RAP1GAP2: variants seen among roughly 807,000 people sequenced by gnomAD.
RAP1GAP2 encodes the protein RAP1 GTPase activating protein 2.
A neutral mutation model predicts 95.0 loss-of-function variants in RAP1GAP2; 27 were observed. The observed-to-expected ratio is 0.28, with a 90% CI of 0.21 to 0.39. RAP1GAP2 has a LOEUF of 0.39. Ranked by LOEUF, RAP1GAP2 falls within the 10% of genes least tolerant of loss-of-function variation. The pLI is 1.00. For missense variants in RAP1GAP2, 771 were observed against 970.0 expected, an observed-to-expected ratio of 0.79 and a Z score of 2.72; for synonymous variants, 373 against 380.9, an observed-to-expected ratio of 0.98 and a Z score of 0.24.
At chr17:2,854,006 C>T in intron 2 of RAP1GAP2, 1 of 984,694 alleles carries the variant, frequency 1.0e-6, no homozygotes, top group South Asian at 4.7e-5. Flanking sequence ...ATGTCCCAGC[C>T]CGCGGGGAGG....
chr17:2,793,663 G>T (rs1223914378), upstream of RAP1GAP2, among the ~76,000 whole-genome samples: 1 of 152,228 alleles, frequency 6.6e-6, no homozygotes, highest in African/African-American at 2.4e-5. Context: ...TCTTTAGTTG[G>T]GACTTTATTA....
chr17:2,844,262 T>C (rs1254752073), intron 2 of RAP1GAP2, among the ~76,000 whole-genome samples: 4 of 152,062 alleles, frequency 2.6e-5, no homozygotes, highest in Admixed American at 2.0e-4. Context: ...CCTCGTGATC[T>C]GCCCGCCTCG....
chr17:2,945,724 A>C (rs2043675768), intron 3 of RAP1GAP2, among the ~76,000 whole-genome samples: 1 of 151,652 alleles, frequency 6.6e-6, no homozygotes, highest in African/African-American at 2.4e-5. Flanking sequence ...ATCAATTGAG[A>C]TAATCATGTA....
At chr17:2,977,762 A>G (rs1057482388) in intron 8 of RAP1GAP2, among the ~76,000 whole-genome samples, 1 of 151,426 alleles carries the variant, frequency 6.6e-6, no homozygotes, top group African/African-American at 2.4e-5. Flanking sequence ...AAAAAAAAAA[A>G]AAAAAAAAAA....
intron 13 of RAP1GAP2, among the ~76,000 whole-genome samples, chr17:2,997,952 T>C (rs1409156257): frequency 8.2e-5 from 12 of 147,038 alleles, no homozygotes; most frequent in Non-Finnish European, 1.6e-4. Context: ...AAAAAAAAGA[T>C]TGAAAGAAGA....
At chr17:2,924,154 G>A (rs566794991) in intron 3 of RAP1GAP2, among the ~76,000 whole-genome samples, 2 of 152,322 alleles carry the variant, frequency 1.3e-5, no homozygotes, top group South Asian at 4.1e-4. Context: ...TTGGCTCCCT[G>A]CTTTGAATAT....
At chr17:2,795,877 T>C (rs1436066811), upstream of RAP1GAP2, among the ~76,000 whole-genome samples, 2 of 152,156 alleles carry the variant, frequency 1.3e-5, no homozygotes, top group African/African-American at 4.8e-5. Context: ...TATGTCTGCG[T>C]GCATGTATCT....
At chr17:2,974,543 C>G (rs1352879308) in intron 8 of RAP1GAP2, among the ~76,000 whole-genome samples, 2 of 150,952 alleles carry the variant, frequency 1.3e-5, no homozygotes, top group African/African-American at 4.9e-5. Flanking sequence ...TAGAAAGTGA[C>G]AAGAAATAGA....
chr17:2,920,627 G>T (rs1055305000), intron 3 of RAP1GAP2, among the ~76,000 whole-genome samples: 1 of 152,226 alleles, frequency 6.6e-6, no homozygotes, highest in Non-Finnish European at 1.5e-5. Flanking sequence ...CACCCTGTAG[G>T]GTTACTGCAG....
intron 2 of RAP1GAP2, among the ~76,000 whole-genome samples, chr17:2,893,390 G>A (rs56353591): frequency 0.39 from 58,728 of 151,988 alleles, 11,996 homozygotes; most frequent in East Asian, 0.57. Flanking sequence ...TAATAAATGC[G>A]TGTGGTCAGT....
chr17:2,930,671 A>G (rs1383798022), intron 3 of RAP1GAP2, among the ~76,000 whole-genome samples: 1 of 152,196 alleles, frequency 6.6e-6, no homozygotes, highest in East Asian at 1.9e-4. Context: ...TTGTAAGACA[A>G]AGGCTGAGGT....
intron 4 of RAP1GAP2, among the ~76,000 whole-genome samples, chr17:2,958,213 A>G (rs1567822891): frequency 6.6e-6 from 1 of 152,276 alleles, no homozygotes; most frequent in Middle Eastern, 3.4e-3. Flanking sequence ...TGCACCAGAC[A>G]CTTACTAGCA....
intron 8 of RAP1GAP2, among the ~76,000 whole-genome samples, chr17:2,975,299 A>C (rs2045063266): frequency 6.6e-6 from 1 of 152,234 alleles, no homozygotes; most frequent in African/African-American, 2.4e-5. Flanking sequence ...AAATAGATTA[A>C]ATTAGCCTAT....
At chr17:2,940,179 G>A (rs1224406506) in intron 3 of RAP1GAP2, among the ~76,000 whole-genome samples, 3 of 152,122 alleles carry the variant, frequency 2.0e-5, no homozygotes, top group African/African-American at 4.8e-5. Context: ...TGGGAGCCCC[G>A]AGTGGCTGTT....
intron 2 of RAP1GAP2, among the ~76,000 whole-genome samples, chr17:2,822,950 T>C (rs527908085): frequency 6.6e-6 from 1 of 152,200 alleles, no homozygotes; most frequent in East Asian, 1.9e-4. Flanking sequence ...CTGTCTCTAC[T>C]AAAAATACAA....
rs891801418 is a variant in RAP1GAP2 at position 2,771,930 on chromosome 17, T to C, written c.167+1485T>C. Among the ~76,000 whole-genome samples, 9 of 152,302 alleles carry C rather than the reference T, an allele frequency of 5.9e-5. No individual in the cohort carries two copies. The East Asian group carries it at 1.2e-3, about 20-fold the overall frequency. On this transcript the variant is annotated intron_variant, in intron 2 of 25. Coordinates refer to the RAP1GAP2 transcript ENST00000637138. ...TTTTTTTTAAGAAATAGAGTCTCAC[T>C]GTGTTGCCCATGCTGGCCTTGAACC...
rs202118454 is a variant in RAP1GAP2 at position 2,796,506 on chromosome 17, C to T, written c.-22C>T. 1.0e-5 allele frequency: 16 copies of T among 1,554,578 alleles called. No individual in the cohort carries two copies. The Admixed American group carries it at 2.3e-4, about 23-fold the overall frequency. ...GACGTCGTTGGGACATCGCTGGGAC[C>T]CCGGGCTCTGCAGCCACAACCATGT... On this transcript the variant is annotated 5_prime_UTR_variant, in exon 1 of 25. Coordinates refer to ENST00000254695, the MANE Select transcript of RAP1GAP2 (RefSeq NM_015085.5). The surrounding 1 kb of genome is among the most constrained non-coding windows in gnomAD (Gnocchi z 4.7).
At chr17:2,968,041 T>TA (rs573951584) in intron 8 of RAP1GAP2, among the ~76,000 whole-genome samples, 12 of 152,274 alleles carry the variant, frequency 7.9e-5, no homozygotes, top group African/African-American at 1.7e-4. Context: ...ATTCTGCCTC[T>TA]AAAAAAGCAT....
At chr17:3,032,382 A>G in intron 23 of RAP1GAP2, 29 bp from the exon 24 acceptor site, 1 of 1,613,858 alleles carries the variant, frequency 6.2e-7, no homozygotes, top group Non-Finnish European at 8.5e-7. Flanking sequence ...TGGTTATTTA[A>G]ACTCCTGTAT....
Sources: allele counts gnomAD v4.1 joint callset (sites outside exome capture counted in the v4.1 genomes callset), GRCh38; gene constraint gnomAD v4.1.1; non-coding constraint Gnocchi (gnomAD v3.1); transcripts MANE v1.5; gene names NCBI Gene and HGNC (gene_info 2026-07-23, HGNC 2026-07-21).